Variants in NKAIN2 observed in about 807,000 individuals in gnomAD.
NKAIN2 encodes the protein sodium/potassium transporting ATPase interacting 2, also known as sodium/potassium-transporting ATPase subunit beta-1-interacting protein 2.
Under a neutral mutation model 32.6 loss-of-function variants are expected in NKAIN2, and 14 were observed. The ratio of observed to expected loss-of-function variants is 0.43; its 90% CI spans 0.28 to 0.67. The LOEUF (loss-of-function observed/expected upper bound fraction) is 0.67. Ranked by LOEUF, NKAIN2 falls within the 30% of genes least tolerant of loss-of-function variation. The pLI is 0.17. For missense variants in NKAIN2, 198 were observed against 258.3 expected (o/e 0.77, Z 1.60); for synonymous variants, 80 against 87.2 (o/e 0.92, Z 0.46).
chr6:123,961,769 C>T (rs969861213), intron 1 of NKAIN2, among the ~76,000 whole-genome samples: 2 of 152,070 alleles, frequency 1.3e-5, no homozygotes, highest in African/African-American at 4.8e-5. Context: ...CTTTCTGTAA[C>T]TTCTTACGTT....
At chr6:124,254,539 C>A (rs890778510) in intron 1 of NKAIN2, among the ~76,000 whole-genome samples, 2 of 151,822 alleles carry the variant, frequency 1.3e-5, no homozygotes, top group African/African-American at 2.4e-5. Context: ...ATTATAAAAA[C>A]CAAAATAATG....
intron 1 of NKAIN2, among the ~76,000 whole-genome samples, chr6:123,904,183 A>G (rs1185665121): frequency 2.0e-5 from 3 of 152,018 alleles, no homozygotes; most frequent in African/African-American, 7.3e-5. Flanking sequence ...GTGAGCCAAG[A>G]TCGCACCACT....
chr6:124,260,342 A>G (rs1794183393), intron 1 of NKAIN2, among the ~76,000 whole-genome samples: 2 of 152,232 alleles, frequency 1.3e-5, no homozygotes, highest in African/African-American at 2.4e-5. Flanking sequence ...ACGAGAAATA[A>G]TAAAACAGAA....
At chr6:124,790,769 T>G (rs2114806407) in intron 4 of NKAIN2, among the ~76,000 whole-genome samples, 1 of 152,214 alleles carries the variant, frequency 6.6e-6, no homozygotes, top group South Asian at 2.1e-4. Flanking sequence ...TTCAATGCAT[T>G]TTGATGATAC....
chr6:124,488,355 A>G (rs1258862747), intron 3 of NKAIN2, among the ~76,000 whole-genome samples: 2 of 152,032 alleles, frequency 1.3e-5, no homozygotes, highest in African/African-American at 4.8e-5. Flanking sequence ...TATCCAGGCA[A>G]TATGAGGTAT....
intron 1 of NKAIN2, among the ~76,000 whole-genome samples, chr6:123,946,824 C>A (rs775728328): frequency 6.6e-6 from 1 of 152,172 alleles, no homozygotes; most frequent in African/African-American, 2.4e-5. Context: ...AAAGAGAGTT[C>A]TCTGCCACAT....
intron 3 of NKAIN2, among the ~76,000 whole-genome samples, chr6:124,424,460 G>GTAT (rs56394307): frequency 0.75 from 113,097 of 151,506 alleles, 42,411 homozygotes; most frequent in East Asian, 0.87. Flanking sequence ...ATACAACACA[G>GTAT]TATTAACTGT....
intron 1 of NKAIN2, among the ~76,000 whole-genome samples, chr6:123,963,099 G>A (rs1165188590): frequency 1.3e-5 from 2 of 152,080 alleles, no homozygotes; most frequent in Admixed American, 6.6e-5. Context: ...CTAATGTTGT[G>A]GAAACCTCGA....
chr6:123,873,721 C>T (rs113670937), intron 1 of NKAIN2, among the ~76,000 whole-genome samples: 95 of 152,148 alleles, frequency 6.2e-4, no homozygotes, highest in African/African-American at 2.2e-3. Context: ...AGAGTGAACT[C>T]ACAGATTCCT....
At chr6:123,869,240 T>C (rs1472807202) in intron 1 of NKAIN2, among the ~76,000 whole-genome samples, 1 of 152,212 alleles carries the variant, frequency 6.6e-6, no homozygotes, top group Admixed American at 6.5e-5. Context: ...CTAGACCTAA[T>C]TGACCTCTTA....
intron 4 of NKAIN2, among the ~76,000 whole-genome samples, chr6:124,683,578 C>T (rs1773720958): frequency 6.6e-6 from 1 of 152,136 alleles, no homozygotes; most frequent in African/African-American, 2.4e-5. Context: ...TTCTGCAAGG[C>T]TGAGCAGCAC....
chr6:124,470,858 TA>T (rs1214239577), intron 3 of NKAIN2, among the ~76,000 whole-genome samples: 1 of 152,236 alleles, frequency 6.6e-6, no homozygotes, highest in East Asian at 1.9e-4. Flanking sequence ...TTAGCTTTGC[TA>T]AACTTATGTT....
chr6:124,712,710 C>T (rs1456727296), intron 4 of NKAIN2, among the ~76,000 whole-genome samples: 1 of 151,752 alleles, frequency 6.6e-6, no homozygotes, highest in Non-Finnish European at 1.5e-5. Context: ...GACCGGCACT[C>T]CCTAGTGAGA....
At chr6:124,408,416 A>T (rs1022121769) in intron 3 of NKAIN2, among the ~76,000 whole-genome samples, 3 of 152,128 alleles carry the variant, frequency 2.0e-5, no homozygotes, top group Non-Finnish European at 4.4e-5. Flanking sequence ...TCTACACATG[A>T]CTAGCCAGTT....
intron 3 of NKAIN2, among the ~76,000 whole-genome samples, chr6:124,489,657 G>A (rs887188467): frequency 2.0e-5 from 3 of 151,750 alleles, no homozygotes; most frequent in Non-Finnish European, 4.4e-5. Flanking sequence ...AAAACAGCAT[G>A]GTTGTATGGG....
intron 1 of NKAIN2, among the ~76,000 whole-genome samples, chr6:124,076,723 G>A (rs1783713576): frequency 6.6e-6 from 1 of 152,176 alleles, no homozygotes; most frequent in South Asian, 2.1e-4. Flanking sequence ...TGAGTTTGCG[G>A]TCAAGAAAGG....
At chr6:124,294,906 T>C (rs1795983947) in intron 2 of NKAIN2, among the ~76,000 whole-genome samples, 1 of 151,932 alleles carries the variant, frequency 6.6e-6, no homozygotes, top group Non-Finnish European at 1.5e-5. Context: ...TCTTCATATT[T>C]TTTTCTTTTA....
chr6:124,610,955 G>T (rs891357132), intron 3 of NKAIN2, among the ~76,000 whole-genome samples: 1 of 151,940 alleles, frequency 6.6e-6, no homozygotes, highest in Non-Finnish European at 1.5e-5. Context: ...TAAGTATAAG[G>T]GATAGAATTT....
intron 3 of NKAIN2, among the ~76,000 whole-genome samples, chr6:124,652,124 C>G (rs941992921): frequency 2.6e-5 from 4 of 152,200 alleles, no homozygotes; most frequent in Admixed American, 2.6e-4. Flanking sequence ...GCCAGATATC[C>G]TGGATCATCA....
Sources: allele counts gnomAD v4.1 joint callset (sites outside exome capture counted in the v4.1 genomes callset), GRCh38; gene constraint gnomAD v4.1.1; transcripts MANE v1.5; gene names NCBI Gene and HGNC (gene_info 2026-07-23, HGNC 2026-07-21).